Variants in SOX5 observed in about 807,000 individuals in gnomAD.
The protein encoded by SOX5 is transcription factor SOX-5.
Under a neutral mutation model 92.0 loss-of-function variants are expected in SOX5, and 9 were observed. The ratio of observed to expected loss-of-function variants is 0.10; its 90% CI spans 0.06 to 0.17. The LOEUF (loss-of-function observed/expected upper bound fraction) is 0.17. SOX5 is among the 10% of genes least tolerant of loss of function. SOX5 has a pLI of 1.00. For synonymous variants in SOX5, 344 were observed against 336.3 expected, an observed-to-expected ratio of 1.02 and a Z score of -0.25; for missense variants, 642 against 944.5, an observed-to-expected ratio of 0.68 and a Z score of 4.20.
At position 24,393,446 on chromosome 12, in the gene SOX5, T is replaced by C. The variant is rs1255109792; in HGVS notation, c.-250-24807A>G. On this transcript the variant is annotated intron_variant, in intron 1 of 4. Transcript: ENST00000446891. This position sits in a 1 kb window ranked among gnomAD's most constrained non-coding sequence, Gnocchi z 5.0. ...TGACAGAAAAGGGTTTTGCAAGGGC[T>C]TGGAGGATAATCAGCTTTAGGGTCA... Among the ~76,000 whole-genome samples, 1 of 152,180 alleles carries C rather than the reference T, an allele frequency of 6.6e-6. No homozygotes were observed. Among genetic ancestry groups the C allele is most frequent in the African/African-American group, 2.4e-5 (1 of 41,448 alleles).
intron 2 of SOX5, among the ~76,000 whole-genome samples, chr12:24,361,611 TTG>T (rs3031192): frequency 0.31 from 46,967 of 150,230 alleles, 7,736 homozygotes; most frequent in East Asian, 0.45. Flanking sequence ...TTTTCAGGTT[TTG>T]TGTGTGTGTG....
At chr12:23,720,468 G>A (rs2092751973) in intron 6 of SOX5, among the ~76,000 whole-genome samples, 1 of 151,938 alleles carries the variant, frequency 6.6e-6, no homozygotes, top group Admixed American at 6.6e-5. Context: ...ACTTTTCTTG[G>A]AGAAATACAT....
At chr12:24,497,308 A>T (rs1597322045) in intron 1 of SOX5, among the ~76,000 whole-genome samples, 1 of 152,330 alleles carries the variant, frequency 6.6e-6, no homozygotes, top group Non-Finnish European at 1.5e-5. Context: ...TTTATTTTTA[A>T]AAAAGTATGT....
At chr12:24,390,434 A>G (rs1029836695) in intron 1 of SOX5, among the ~76,000 whole-genome samples, 3 of 152,180 alleles carry the variant, frequency 2.0e-5, no homozygotes, top group Non-Finnish European at 4.4e-5. Flanking sequence ...GATTACATGT[A>G]TAATGTTTTT....
intron 3 of SOX5, among the ~76,000 whole-genome samples, chr12:24,224,345 CTTTT>C (rs555385034): frequency 1.4e-5 from 2 of 147,314 alleles, no homozygotes; most frequent in Non-Finnish European, 3.0e-5. Context: ...TTTTTTCTTT[CTTTT>C]TTTTTTCGCC....
At chr12:24,124,849 G>GTGTC (rs1454511141) in intron 4 of SOX5, among the ~76,000 whole-genome samples, 2 of 152,290 alleles carry the variant, frequency 1.3e-5, no homozygotes, top group East Asian at 3.9e-4. Flanking sequence ...ATAAATACAT[G>GTGTC]ATAGTAGCAT....
At chr12:24,079,740 G>T (rs576493841) in intron 4 of SOX5, among the ~76,000 whole-genome samples, 1 of 151,990 alleles carries the variant, frequency 6.6e-6, no homozygotes, top group Admixed American at 6.6e-5. Flanking sequence ...AGATCAATCA[G>T]TCCTTTGGTT....
intron 4 of SOX5, among the ~76,000 whole-genome samples, chr12:23,960,198 C>T: frequency 6.6e-6 from 1 of 151,958 alleles, no homozygotes; most frequent in South Asian, 2.1e-4. Flanking sequence ...AAACCAGAGC[C>T]CACATATGTT....
chr12:23,759,441 TAAGA>T (rs2094504988), intron 3 of SOX5, among the ~76,000 whole-genome samples: 1 of 151,988 alleles, frequency 6.6e-6, no homozygotes, highest in African/African-American at 2.4e-5. Flanking sequence ...AAGGGGATCA[TAAGA>T]CATCATTTCA....
intron 4 of SOX5, among the ~76,000 whole-genome samples, chr12:23,999,140 C>CGTGTGTG (rs71445976): frequency 1.4e-5 from 2 of 141,394 alleles, no homozygotes; most frequent in African/African-American, 2.6e-5. Flanking sequence ...AAAAAAGACT[C>CGTGTGTG]TGTGTGTGTG....
At chr12:23,699,507 G>GT (rs1260542115) in intron 6 of SOX5, among the ~76,000 whole-genome samples, 2 of 152,018 alleles carry the variant, frequency 1.3e-5, no homozygotes, top group African/African-American at 4.8e-5. Flanking sequence ...ATTTTTGAAA[G>GT]TTTTTTATGT....
intron 4 of SOX5, among the ~76,000 whole-genome samples, chr12:24,161,321 T>C (rs374874807): frequency 1.3e-5 from 2 of 152,056 alleles, no homozygotes; most frequent in Non-Finnish European, 2.9e-5. Flanking sequence ...GTCTTATAAG[T>C]CCCACTCTCC....
chr12:23,872,776 G>A (rs563928757), intron 2 of SOX5, among the ~76,000 whole-genome samples: 45 of 152,226 alleles, frequency 3.0e-4, no homozygotes, highest in African/African-American at 9.6e-4. Flanking sequence ...TGGGAAGATC[G>A]ATGTCTTTGA....
At chr12:24,113,942 C>A (rs1472886279) in intron 4 of SOX5, among the ~76,000 whole-genome samples, 1 of 152,154 alleles carries the variant, frequency 6.6e-6, no homozygotes, top group Non-Finnish European at 1.5e-5. Context: ...GCCTGGAATT[C>A]AGTAATGCAG....
At chr12:23,913,452 A>G (rs1237013379) in intron 1 of SOX5, among the ~76,000 whole-genome samples, 1 of 152,086 alleles carries the variant, frequency 6.6e-6, no homozygotes, top group Non-Finnish European at 1.5e-5. Context: ...CAAAGCACTG[A>G]ATAGGCCAGG....
At chr12:23,578,918 T>A (rs779230261) in intron 9 of SOX5, among the ~76,000 whole-genome samples, 4 of 150,844 alleles carry the variant, frequency 2.7e-5, no homozygotes. Context: ...TACTTGAATG[T>A]GAAGAGAAGA....
chr12:24,099,000 T>C (rs1945757809), intron 4 of SOX5, among the ~76,000 whole-genome samples: 1 of 152,186 alleles, frequency 6.6e-6, no homozygotes, highest in Admixed American at 6.6e-5. Context: ...TCTTCCTATC[T>C]AAGGCTCTGA....
intron 6 of SOX5, 144 bp from the exon 7 acceptor site, chr12:23,665,708 G>A (rs2083684378): frequency 2.2e-6 from 2 of 915,996 alleles, no homozygotes; most frequent in South Asian, 1.7e-5. Context: ...CTGGGCTTGA[G>A]GATATGCTTT....
chr12:24,540,308 C>CATTTAGAA (rs57871777), intron 1 of SOX5, among the ~76,000 whole-genome samples: 33,500 of 151,914 alleles, frequency 0.22, 4,208 homozygotes, highest in African/African-American at 0.34. Flanking sequence ...AAAACTAATG[C>CATTTAGAA]AAGGTAATGT....
Sources: allele counts gnomAD v4.1 joint callset (sites outside exome capture counted in the v4.1 genomes callset), GRCh38; gene constraint gnomAD v4.1.1; non-coding constraint Gnocchi (gnomAD v3.1); transcripts MANE v1.5; gene names NCBI Gene and HGNC (gene_info 2026-07-23, HGNC 2026-07-21).